SLC47A2: variants seen among roughly 807,000 people sequenced by gnomAD.
SLC47A2 encodes the protein multidrug and toxin extrusion protein 2.
In SLC47A2, 52 loss-of-function variants were observed where a neutral mutation model predicts 67.7. The ratio of observed to expected loss-of-function variants is 0.77; its 90% CI spans 0.61 to 0.97. The LOEUF is 0.97. Among genes scored for constraint, SLC47A2 ranks in the 50% least tolerant of loss-of-function variants. The pLI, the probability that SLC47A2 is intolerant of heterozygous loss-of-function variation, is 0.00. For missense variants in SLC47A2, 676 were observed against 712.3 expected (o/e 0.95, Z 0.58); for synonymous variants, 278 against 292.9 (o/e 0.95, Z 0.52).
intron 13 of SLC47A2, among the ~76,000 whole-genome samples, chr17:19,683,163 A>G (rs1260817596): frequency 1.3e-5 from 2 of 152,194 alleles, no homozygotes; most frequent in African/African-American, 4.8e-5. Context: ...TGATTGATGT[A>G]CCCTGGACCA....
chr17:19,697,025 C>T (rs927211163), intron 13 of SLC47A2, among the ~76,000 whole-genome samples: 7 of 152,210 alleles, frequency 4.6e-5, no homozygotes, highest in Non-Finnish European at 1.0e-4. Context: ...GGCGTGGTGG[C>T]TCACGCCTGT....
intron 13 of SLC47A2, among the ~76,000 whole-genome samples, chr17:19,696,295 C>CA (rs397960037): frequency 0.32 from 37,573 of 116,326 alleles, 5,524 homozygotes; most frequent in East Asian, 0.54. Flanking sequence ...TACTAAAATA[C>CA]AAAAAAAAAA....
At chr17:19,690,915 T>C (rs1234441338) in intron 13 of SLC47A2, among the ~76,000 whole-genome samples, 2 of 150,870 alleles carry the variant, frequency 1.3e-5, no homozygotes, top group Non-Finnish European at 3.0e-5. Flanking sequence ...AGGTCGGGAG[T>C]TCTAAACCAG....
chr17:19,708,408 A>C lies in SLC47A2; in HGVS notation c.532-9T>G. ...TGGGGCCAGGTGATCTTCTGAAATA[A>C]ATGAAAACTGGCCCTGCTAAGGTGT... On this transcript the variant is annotated splice_polypyrimidine_tract_variant and intron_variant, in intron 6 of 16. Transcript: ENST00000433844. 6.2e-7 allele frequency: 1 copy of C among 1,614,162 alleles called. No homozygotes were observed. Among genetic ancestry groups the C allele is most frequent in the Non-Finnish European group, 8.5e-7 (1 of 1,180,028 alleles).
At chr17:19,716,271 T>C (rs995037337) in intron 1 of SLC47A2, 162 bp downstream of exon 1, 1 of 1,169,336 alleles carries the variant, frequency 8.6e-7, no homozygotes, top group African/African-American at 1.6e-5. Context: ...GAGACAGCTT[T>C]CAGGAGCCAT....
Position 19,680,017 on chromosome 17 carries a change from T to C in SLC47A2, c.1415A>G (p.Gln472Arg), listed in dbSNP as rs146174122. Residue 472 changes from glutamine to arginine, a missense_variant, in exon 16 of 17, where the codon CAG becomes CGG. Gln to Arg is a conservative substitution (Grantham distance 43). Transcript: ENST00000433844. ...AGTGCTCTCTGCTCTCTGCTGCTGCTGCCGGCCTGAATGTTTCTTAGCCTA... is the reference window on the plus strand; with the variant it reads ...AGTGCTCTCTGCTCTCTGCTGCTGCCGCCGGCCTGAATGTTTCTTAGCCTA... Reference protein sequence around the residue: ...AEEAKKHSGRQQQQRAESTAT... With the variant: ...AEEAKKHSGRRQQQRAESTAT... The C allele has an allele frequency of 1.6e-5, 26 of 1,613,932 alleles. No homozygotes were observed. Among genetic ancestry groups the C allele is most frequent in the Non-Finnish European group, 1.9e-5 (23 of 1,179,986 alleles).
intron 10 of SLC47A2, chr17:19,704,514 G>A: frequency 1.1e-6 from 1 of 900,598 alleles, no homozygotes. Flanking sequence ...CTTAGTCCCA[G>A]AAAAGCTCCC....
At chr17:19,700,778 A>AT (rs1387222470) in intron 13 of SLC47A2, among the ~76,000 whole-genome samples, 1 of 151,340 alleles carries the variant, frequency 6.6e-6, no homozygotes, top group African/African-American at 2.4e-5. Flanking sequence ...AAAAAAAAAA[A>AT]AAAGCAAAGC....
chr17:19,704,234 TC>T (rs1244264097), intron 10 of SLC47A2, 56 bp from the exon 11 acceptor site: 1 of 1,449,448 alleles, frequency 6.9e-7, no homozygotes, highest in Non-Finnish European at 9.4e-7. Flanking sequence ...ACCCCTGAAG[TC>T]CTGAGCCAGC....
intron 13 of SLC47A2, among the ~76,000 whole-genome samples, chr17:19,682,329 T>TCA (rs376421449): frequency 0.25 from 35,409 of 143,598 alleles, 4,240 homozygotes; most frequent in South Asian, 0.31. Context: ...CGAGACTTGG[T>TCA]CACACACACA....
At chr17:19,714,916 G>T in intron 2 of SLC47A2, 127 bp from the exon 3 acceptor site, 1 of 1,382,746 alleles carries the variant, frequency 7.2e-7, no homozygotes, top group Non-Finnish European at 1.0e-6. Context: ...GCTCTGCTCA[G>T]CAGCCTCATG....
upstream of SLC47A2, chr17:19,716,883 G>A (rs1448114340): frequency 3.6e-6 from 1 of 278,912 alleles, no homozygotes; most frequent in African/African-American, 2.2e-5. Context: ...AGTGGCTGTG[G>A]GAGGTGTGCT....
upstream of SLC47A2, chr17:19,717,968 G>A (rs1301359932): frequency 6.6e-6 from 1 of 152,308 alleles, no homozygotes; most frequent in East Asian, 1.9e-4. Flanking sequence ...CATCGTGATT[G>A]TGATGATGAC....
intron 14 of SLC47A2, 37 bp downstream of exon 14, chr17:19,681,501 C>T (rs937997773): frequency 3.1e-6 from 5 of 1,614,198 alleles, no homozygotes; most frequent in Non-Finnish European, 4.2e-6. Flanking sequence ...TGTCCGACGA[C>T]CACCCAGGCC....
In SLC47A2 at chr17:19,707,840, G is replaced by C; in HGVS notation, c.633C>G (p.Gly211=). ...GGGAGATGATGTTGGCATAGGCGGA[G>C]CCCCTGGGTAAGGAGGGAGAACAGG... is the stretch of plus-strand genomic sequence containing the variant. ...LVSVLNLGVR[G]SAYANIISQF... The change falls in exon 8 of 17, where the codon GGC becomes GGG. Residue 211 remains glycine, a synonymous_variant. Transcript: ENST00000433844. 6.3e-7 allele frequency: 1 copy of C among 1,592,210 alleles called. No homozygotes were observed. Among genetic ancestry groups the C allele is most frequent in the Non-Finnish European group, 8.5e-7 (1 of 1,169,752 alleles).
chr17:19,690,230 G>A (rs2085510929), intron 13 of SLC47A2, among the ~76,000 whole-genome samples: 5 of 152,178 alleles, frequency 3.3e-5, no homozygotes, highest in Admixed American at 3.3e-4. Flanking sequence ...GTAGAAGAAT[G>A]AAGCTAGACC....
rs1182986386 is a variant in SLC47A2, at chr17:19,705,459, C to T, written c.886G>A (p.Glu296Lys). ...ACCATGTAGGTCACAGTGGCCACCT[C>T]GTAGATGACAGCCTGGGCAGAGAGA... Reference protein sequence around the residue: ...VDLSAQAVIYEVATVTYMIPL... With the variant: ...VDLSAQAVIYKVATVTYMIPL... The change falls in exon 10 of 17, where the codon GAG becomes AAG. Residue 296 changes from glutamate (E) to lysine (K), a missense_variant. By Grantham distance (56) the Glu-to-Lys change is moderately conservative. Coordinates refer to ENST00000433844, the MANE Select transcript of SLC47A2 (RefSeq NM_001099646.3). The T allele has an allele frequency of 4.3e-6, 7 of 1,612,384 alleles. No homozygotes were observed. The highest frequency in any genetic ancestry group is 1.7e-4 in the Middle Eastern group (1 of 6,056).
intron 10 of SLC47A2, 22 bp downstream of exon 10, chr17:19,705,414 G>A (rs766575096): frequency 6.2e-7 from 1 of 1,603,596 alleles, no homozygotes; most frequent in South Asian, 1.1e-5. Context: ...ATGTGGGGAA[G>A]GCACCCCTGC....
At chr17:19,702,492 C>A in intron 13 of SLC47A2, 113 bp downstream of exon 13, 1 of 1,531,144 alleles carries the variant, frequency 6.5e-7, no homozygotes, top group South Asian at 1.2e-5. Context: ...ATACAGTTAG[C>A]CCTTCATGTG....
Sources: gnomAD v4.1 joint callset for allele counts (sites outside exome capture counted in the v4.1 genomes callset) on GRCh38, gnomAD v4.1.1 for gene constraint, MANE v1.5 for transcripts, NCBI Gene and HGNC (gene_info 2026-07-23, HGNC 2026-07-21) for gene names.